TNNI3K: variants seen among roughly 807,000 people sequenced by gnomAD.
TNNI3K encodes the protein serine/threonine-protein kinase TNNI3K.
TNNI3K carries 140 observed loss-of-function variants against 114.5 expected under a neutral mutation model. The ratio of observed to expected loss-of-function variants is 1.22; its 90% CI spans 1.07 to 1.41. TNNI3K has a LOEUF of 1.41. Ranked by LOEUF, TNNI3K falls within the 40% of genes most tolerant of loss-of-function variation. The pLI is 0.00. For synonymous variants in TNNI3K, 347 were observed against 347.5 expected, an observed-to-expected ratio of 1.00 and a Z score of 0.02; for missense variants, 1,125 against 1,007.6, an observed-to-expected ratio of 1.12 and a Z score of -1.58.
chr1:74,435,531 C>T (rs1376772989), intron 17 of TNNI3K, among the ~76,000 whole-genome samples: 2 of 151,984 alleles, frequency 1.3e-5, no homozygotes, highest in African/African-American at 4.8e-5. Context: ...CTCCTCAAAA[C>T]CTTAAAAAGT....
At chr1:74,366,274 T>G (rs1240195427) in intron 11 of TNNI3K, among the ~76,000 whole-genome samples, 1 of 152,062 alleles carries the variant, frequency 6.6e-6, no homozygotes, top group African/African-American at 2.4e-5. Flanking sequence ...TTGGCTGTTT[T>G]TCTCTTTTGT....
In TNNI3K at chr1:74,236,406, T is replaced by TA. The variant is rs148858504; in HGVS notation, c.149+200dup. Reference sequence around the variant, plus strand: ...ATGCAAACATAACATCTCACCTCCTTAAAATATAAATTGTAATCTGCCATC... The same window carrying TA: ...ATGCAAACATAACATCTCACCTCCTTAAAAATATAAATTGTAATCTGCCATC... On this transcript the variant is annotated intron_variant, in intron 2 of 24. Coordinates refer to ENST00000326637, the MANE Select transcript of TNNI3K (RefSeq NM_015978.3). Among the ~76,000 whole-genome samples, 1,184 of 151,800 alleles carry TA rather than the reference T, an allele frequency of 7.8e-3. 18 individuals are homozygous for TA. Among genetic ancestry groups the TA allele is most frequent in the African/African-American group, 0.027 (1,108 of 41,484 alleles).
chr1:74,260,950 T>G (rs1231103052), intron 4 of TNNI3K, among the ~76,000 whole-genome samples: 1 of 152,096 alleles, frequency 6.6e-6, no homozygotes, highest in Non-Finnish European at 1.5e-5. Context: ...AGTGTTAAAG[T>G]TTGTAGCTAT....
chr1:74,519,833 A>G lies in TNNI3K; in HGVS notation c.2352-20401A>G, dbSNP rs74095316. On this transcript the variant is annotated intron_variant, in intron 23 of 24. Transcript: ENST00000326637. ...TGTGTCATTCAGAGGTGAAGGGAAG[A>G]TTGAATAGTCCACAGGGTCCCTGTG... Among the ~76,000 whole-genome samples the G allele has an allele frequency of 2.8e-3, 425 of 152,256 alleles. 1 individual carries two copies. The highest frequency in any genetic ancestry group is 9.8e-3 in the African/African-American group (407 of 41,568).
chr1:74,329,481 A>G (rs999100469), intron 5 of TNNI3K, among the ~76,000 whole-genome samples: 1 of 152,110 alleles, frequency 6.6e-6, no homozygotes, highest in Non-Finnish European at 1.5e-5. Context: ...ATTTGGACCC[A>G]TCAGAAATTT....
intron 20 of TNNI3K, among the ~76,000 whole-genome samples, chr1:74,454,850 AGTTCCCCT>A (rs1667166070): frequency 6.6e-6 from 1 of 152,152 alleles, no homozygotes; most frequent in Non-Finnish European, 1.5e-5. Flanking sequence ...AGTGTATGAG[AGTTCCCCT>A]TTCTTTGCAT....
At chr1:74,375,805 C>T (rs1662875783) in intron 17 of TNNI3K, 1 of 283,284 alleles carries the variant, frequency 3.5e-6, no homozygotes, top group Non-Finnish European at 7.4e-6. Context: ...CTCTTCTCTC[C>T]TGTACAGCTG....
intron 4 of TNNI3K, among the ~76,000 whole-genome samples, chr1:74,270,563 T>C (rs1656280840): frequency 6.6e-6 from 1 of 151,832 alleles, no homozygotes; most frequent in Non-Finnish European, 1.5e-5. Context: ...CAAAGTTTTT[T>C]CATTTTTTAG....
chr1:74,244,425 C>A (rs1195377133), intron 2 of TNNI3K, among the ~76,000 whole-genome samples: 1 of 151,956 alleles, frequency 6.6e-6, no homozygotes, highest in Non-Finnish European at 1.5e-5. Flanking sequence ...AGCTGAGGAA[C>A]AATTGTTGAA....
At chr1:74,378,624 A>C in intron 17 of TNNI3K, 1 of 80,256 alleles carries the variant, frequency 1.2e-5, no homozygotes, top group Non-Finnish European at 2.5e-5. Context: ...ATATATATAT[A>C]TATATATATA....
At chr1:74,295,388 A>ACT (rs1657920633) in intron 5 of TNNI3K, among the ~76,000 whole-genome samples, 1 of 152,142 alleles carries the variant, frequency 6.6e-6, no homozygotes, top group Non-Finnish European at 1.5e-5. Context: ...CACATTTTAA[A>ACT]AATTGTCTGT....
At chr1:74,341,615 G>A (rs1660751863) in intron 7 of TNNI3K, 1 of 150,934 alleles carries the variant, frequency 6.6e-6, no homozygotes, top group Non-Finnish European at 1.5e-5. Context: ...GCTAATTTAG[G>A]CATAAAAGGA....
intron 20 of TNNI3K, among the ~76,000 whole-genome samples, chr1:74,445,227 T>C (rs917685177): frequency 1.3e-5 from 2 of 151,800 alleles, no homozygotes; most frequent in Non-Finnish European, 2.9e-5. Flanking sequence ...CTTTCTTTTT[T>C]TTTTTATTAT....
intron 5 of TNNI3K, among the ~76,000 whole-genome samples, chr1:74,282,839 A>G (rs1403404169): frequency 6.6e-6 from 1 of 152,208 alleles, no homozygotes; most frequent in African/African-American, 2.4e-5. Flanking sequence ...TCACAGGCAG[A>G]GAAACAAGTC....
chr1:74,290,847 A>G (rs997482139), intron 5 of TNNI3K, among the ~76,000 whole-genome samples: 1 of 151,742 alleles, frequency 6.6e-6, no homozygotes, highest in African/African-American at 2.4e-5. Flanking sequence ...ATTTTGGTGG[A>G]TATTCTCCTA....
chr1:74,501,355 A>G (rs1322561109), intron 23 of TNNI3K, among the ~76,000 whole-genome samples: 1 of 152,228 alleles, frequency 6.6e-6, no homozygotes, highest in Non-Finnish European at 1.5e-5. Context: ...GAGAGTTTAA[A>G]AAAAGCTGTA....
At chr1:74,246,501 T>C (rs1004168404) in intron 2 of TNNI3K, among the ~76,000 whole-genome samples, 3 of 152,228 alleles carry the variant, frequency 2.0e-5, no homozygotes, top group African/African-American at 4.8e-5. Context: ...TGGACAATGA[T>C]TCAGCTCTGA....
chr1:74,469,120 A>T (rs1168234599), intron 21 of TNNI3K: 1 of 152,520 alleles, frequency 6.6e-6, no homozygotes, highest in East Asian at 1.9e-4. Flanking sequence ...AGCTCATTAA[A>T]ATTCCTTTTG....
At position 74,250,715 on chromosome 1, in the gene TNNI3K, C is replaced by A. The variant is rs1343968991; in HGVS notation, c.279C>A (p.Arg93=). 2.5e-6 allele frequency: 4 copies of A among 1,613,474 alleles called. No individual in the cohort carries two copies. Among genetic ancestry groups the A allele is most frequent in the Non-Finnish European group, 3.4e-6 (4 of 1,179,750 alleles). ...GAACTCTTATGTTGAAAGGGCTCCGCCCATCTCGACTGACAAGAAATGGAT... is the reference window on the plus strand; with the variant it reads ...GAACTCTTATGTTGAAAGGGCTCCGACCATCTCGACTGACAAGAAATGGAT... The part of the protein sequence containing the change: ...HIRTLMLKGL[R]PSRLTRNGFT... Residue 93 remains arginine (R), a synonymous_variant, in exon 4 of 25, where the codon CGC becomes CGA. Transcript: ENST00000326637.
Sources: gnomAD v4.1 joint callset for allele counts (sites outside exome capture counted in the v4.1 genomes callset) on GRCh38, gnomAD v4.1.1 for gene constraint, MANE v1.5 for transcripts, NCBI Gene and HGNC (gene_info 2026-07-23, HGNC 2026-07-21) for gene names.